TNKS: variants seen among roughly 807,000 people sequenced by gnomAD.
The protein encoded by TNKS is poly [ADP-ribose] polymerase tankyrase-1.
In TNKS, 72 loss-of-function variants were observed where a neutral mutation model predicts 135.8. That is an observed-to-expected ratio of 0.53 (90% CI 0.44 to 0.64). The LOEUF (loss-of-function observed/expected upper bound fraction) is 0.64. Among genes scored for constraint, TNKS ranks in the 30% least tolerant of loss-of-function variants. TNKS has a pLI of 0.00. For synonymous variants in TNKS, 849 were observed against 649.3 expected (o/e 1.31, Z -4.68); for missense variants, 1,769 against 1,674.0 (o/e 1.06, Z -0.99).
intron 20 of TNKS, among the ~76,000 whole-genome samples, chr8:9,760,473 G>C (rs1281896672): frequency 1.3e-5 from 2 of 152,160 alleles, no homozygotes; most frequent in African/African-American, 4.8e-5. Context: ...AATGTTACTT[G>C]CAAGTTAAAA....
intron 2 of TNKS, among the ~76,000 whole-genome samples, chr8:9,609,109 G>A (rs1260555093): frequency 1.3e-5 from 2 of 151,834 alleles, no homozygotes; most frequent in Non-Finnish European, 2.9e-5. Context: ...CTTTCAGCTT[G>A]TATTTTATTT....
At chr8:9,712,726 A>C (rs1253068642) in intron 11 of TNKS, among the ~76,000 whole-genome samples, 3 of 151,342 alleles carry the variant, frequency 2.0e-5, no homozygotes, top group Non-Finnish European at 2.9e-5. Flanking sequence ...CCGTCTCTAC[A>C]AATAATAAAA....
chr8:9,635,604 T>C (rs947063776), intron 3 of TNKS, among the ~76,000 whole-genome samples: 3 of 152,190 alleles, frequency 2.0e-5, no homozygotes. Flanking sequence ...TGACAAAATC[T>C]GACAATACTT....
chr8:9,676,578 G>A (rs1802546113), intron 3 of TNKS, among the ~76,000 whole-genome samples: 1 of 151,980 alleles, frequency 6.6e-6, no homozygotes, highest in African/African-American at 2.4e-5. Context: ...TGAAAGAGAA[G>A]CTGTTTCTGA....
At chr8:9,615,182 T>C (rs890567663) in intron 2 of TNKS, 6 of 160,324 alleles carry the variant, frequency 3.7e-5, no homozygotes, top group African/African-American at 1.4e-4. Context: ...CATTTGGAAA[T>C]TCAGCAGTAA....
At position 9,582,098 on chromosome 8, in the gene TNKS, A is replaced by C. The variant is rs191232634; in HGVS notation, c.898+1715A>C. 7.2e-5 allele frequency among the ~76,000 whole-genome samples: 11 copies of C among 152,324 alleles called. No homozygotes were observed. The East Asian group carries it at 1.5e-3, about 21-fold the overall frequency. ...TAGTTGCTATTAAAGTATGTATCAT[A>C]GTTATTATGGGAGTCAAAATTGGTT... On this transcript the variant is annotated intron_variant, in intron 2 of 26. Coordinates refer to ENST00000310430, the MANE Select transcript of TNKS (RefSeq NM_003747.3).
intron 5 of TNKS, among the ~76,000 whole-genome samples, chr8:9,703,140 A>G (rs1213812255): frequency 6.6e-6 from 1 of 152,206 alleles, no homozygotes; most frequent in South Asian, 2.1e-4. Flanking sequence ...AGCCTCGGAT[A>G]GTACCAAACC....
intron 3 of TNKS, among the ~76,000 whole-genome samples, chr8:9,626,676 G>C (rs891035813): frequency 2.0e-5 from 3 of 152,066 alleles, no homozygotes; most frequent in Admixed American, 6.6e-5. Context: ...GTGGGGGTTG[G>C]GGAAGGACAC....
At chr8:9,729,176 T>A (rs1264853363) in intron 13 of TNKS, among the ~76,000 whole-genome samples, 1 of 152,142 alleles carries the variant, frequency 6.6e-6, no homozygotes, top group Non-Finnish European at 1.5e-5. Flanking sequence ...AAGCCTCTTT[T>A]AGAAAGGCCT....
chr8:9,721,761 C>T lies in TNKS; in HGVS notation c.1921+1216C>T, dbSNP rs139298220. Among the ~76,000 whole-genome samples the T allele has an allele frequency of 4.9e-3, 747 of 152,100 alleles. 4 individuals carry two copies. The highest frequency in any genetic ancestry group is 6.2e-3 in the Non-Finnish European group (424 of 68,002). ...TACCTTTCCAAAAATCTATATAAAA[C>T]GCCCTAACTAGATCGGGCATGGTGG... On this transcript the variant is annotated intron_variant, in intron 12 of 26. Transcript: ENST00000310430.
At chr8:9,604,837 A>C (rs1346772896) in intron 2 of TNKS, among the ~76,000 whole-genome samples, 5 of 150,872 alleles carry the variant, frequency 3.3e-5, no homozygotes, top group Non-Finnish European at 7.4e-5. Context: ...TAGGCCTTTT[A>C]GTTTCCATCT....
chr8:9,559,835 A>G (rs955331557), intron 1 of TNKS, among the ~76,000 whole-genome samples: 1 of 152,186 alleles, frequency 6.6e-6, no homozygotes, highest in South Asian at 2.1e-4. Context: ...TTTGTATCCT[A>G]TCTTGGATTG....
At chr8:9,749,138 C>T (rs941072392) in intron 18 of TNKS, among the ~76,000 whole-genome samples, 3 of 152,232 alleles carry the variant, frequency 2.0e-5, no homozygotes, top group Non-Finnish European at 4.4e-5. Context: ...ATGAAGTCAG[C>T]TCAGGTTCAA....
intron 20 of TNKS, among the ~76,000 whole-genome samples, chr8:9,758,973 C>A (rs1463593841): frequency 6.6e-6 from 1 of 152,190 alleles, no homozygotes; most frequent in East Asian, 1.9e-4. Flanking sequence ...CATACCCTCA[C>A]GTGCTTATTG....
At chr8:9,603,664 G>C (rs1799105865) in intron 2 of TNKS, among the ~76,000 whole-genome samples, 3 of 152,140 alleles carry the variant, frequency 2.0e-5, no homozygotes, top group South Asian at 4.1e-4. Flanking sequence ...GATATGATGA[G>C]GTTCTCATAG....
At chr8:9,663,220 A>C (rs1006811564) in intron 3 of TNKS, among the ~76,000 whole-genome samples, 1 of 152,230 alleles carries the variant, frequency 6.6e-6, no homozygotes, top group Non-Finnish European at 1.5e-5. Flanking sequence ...GTGTGGGAAT[A>C]AATGTGTGTT....
chr8:9,572,614 A>G (rs1023192024), intron 1 of TNKS, among the ~76,000 whole-genome samples: 7 of 152,342 alleles, frequency 4.6e-5, no homozygotes, highest in South Asian at 2.1e-4. Context: ...AGAAAACTTT[A>G]AAGAACTTTA....
At position 9,572,206 on chromosome 8, in the gene TNKS, C is replaced by G. The variant is rs997179686; in HGVS notation, c.674-7953C>G. On this transcript the variant is annotated intron_variant, in intron 1 of 26. Transcript: ENST00000310430. ...TTTTGCATATCTGAGATTAATTTGA[C>G]TTTTACATGGAAATAAAGTTAGCTA... 2.6e-5 allele frequency among the ~76,000 whole-genome samples: 4 copies of G among 152,152 alleles called. No homozygotes were observed. In the South Asian group the frequency reaches 6.2e-4, roughly 24 times the overall value.
intron 3 of TNKS, among the ~76,000 whole-genome samples, chr8:9,661,297 C>G (rs766142530): frequency 1.3e-5 from 2 of 152,140 alleles, no homozygotes; most frequent in African/African-American, 2.4e-5. Context: ...GCTGAAAGAA[C>G]AAAGCTGGAG....
Sources: gnomAD v4.1 joint callset for allele counts (sites outside exome capture counted in the v4.1 genomes callset) on GRCh38, gnomAD v4.1.1 for gene constraint, MANE v1.5 for transcripts, NCBI Gene and HGNC (gene_info 2026-07-23, HGNC 2026-07-21) for gene names.